Variants in NBPF12 observed in about 807,000 individuals in gnomAD.
NBPF12 encodes the protein NBPF family member NBPF12.
Under a neutral mutation model 146.4 loss-of-function variants are expected in NBPF12, and 115 were observed. That is an observed-to-expected ratio of 0.79 (90% CI 0.68 to 0.92). The LOEUF is 0.92. Ranked by LOEUF, NBPF12 falls within the 40% of genes least tolerant of loss-of-function variation. NBPF12 has a pLI of 0.00. For synonymous variants in NBPF12, 385 were observed against 508.9 expected (o/e 0.76, Z 3.28); for missense variants, 1,205 against 1,326.8 (o/e 0.91, Z 1.43).
intron 11 of NBPF12, 51 bp from the exon 15 acceptor site, chr1:146,970,596 C>G (rs1656537628): frequency 2.6e-6 from 4 of 1,565,308 alleles, no homozygotes; most frequent in Non-Finnish European, 3.5e-6. Context: ...GCTGACTGTG[C>G]TTGCAGAATG....
exon 4 of NBPF12, chr1:146,960,120 AC>A (rs1655763692): frequency 1.7e-6 from 1 of 575,560 alleles, no homozygotes; most frequent in Non-Finnish European, 3.0e-6. Context: ...CCCTGACTCC[AC>A]CTCTTCTGCC....
intron 9 of NBPF12, 51 bp from the exon 13 acceptor site, chr1:146,968,397 C>A (rs1656342063): frequency 2.1e-6 from 3 of 1,401,040 alleles, no homozygotes; most frequent in Non-Finnish European, 3.0e-6. Flanking sequence ...GCAATGACCA[C>A]AGCAGCATGT....
intron 2 of NBPF12, among the ~76,000 whole-genome samples, chr1:146,956,413 GT>G (rs1655590521): frequency 6.6e-6 from 1 of 151,890 alleles, no homozygotes; most frequent in Admixed American, 6.6e-5. Context: ...CTCTATCTTG[GT>G]TGTGGCAGTA....
At chr1:146,981,294 A>T (rs1367438020) in intron 19 of NBPF12, among the ~76,000 whole-genome samples, 50,959 of 89,402 alleles carry the variant, frequency 0.57, 14,578 homozygotes, top group South Asian at 0.68. Context: ...AAAAAAAAAA[A>T]ATATATATAT....
At chr1:146,941,409 A>T (rs1390651941) in intron 1 of NBPF12, among the ~76,000 whole-genome samples, 1 of 151,430 alleles carries the variant, frequency 6.6e-6, no homozygotes, top group Non-Finnish European at 1.5e-5. Flanking sequence ...TTAATGAAAT[A>T]TACTTTATCA....
At chr1:146,952,049 C>T (rs1655347478) in intron 2 of NBPF12, 2 of 153,678 alleles carry the variant, frequency 1.3e-5, no homozygotes, top group African/African-American at 4.8e-5. Context: ...TAATTCAGTA[C>T]CTCCTCCTTT....
chr1:146,940,196 C>T (rs1196410552), intron 1 of NBPF12, among the ~76,000 whole-genome samples: 1 of 151,918 alleles, frequency 6.6e-6, no homozygotes, highest in African/African-American at 2.4e-5. Flanking sequence ...ACCAGTGAAC[C>T]AAAAGCTCTT....
chr1:146,943,495 C>G, exon 2 of NBPF12: 6 of 1,363,196 alleles, frequency 4.4e-6, no homozygotes, highest in Non-Finnish European at 6.1e-6. Context: ...TAGAAACTTA[C>G]CCATTCAGTG....
exon 5 of NBPF12, chr1:146,962,169 G>A: frequency 1.2e-6 from 2 of 1,608,780 alleles, no homozygotes; most frequent in Non-Finnish European, 1.7e-6. Context: ...AGAGTATGAA[G>A]AGTGTAAAGA....
chr1:146,992,462 C>CTGTGTGTG (rs1163182082), intron 31 of NBPF12, among the ~76,000 whole-genome samples: 23 of 66,272 alleles, frequency 3.5e-4, no homozygotes, highest in South Asian at 1.9e-3. Context: ...CTCTCTCTCT[C>CTGTGTGTG]TGTGTGTGTG....
At position 146,994,679 on chromosome 1, in the gene NBPF12, A is replaced by G. The variant is rs868921054; in HGVS notation, c.*104A>G. ...TTCCATTTGGAAGCCCAGACATAGGATGGGTCAGTGGGCATGGCTCTATTC... is the reference window on the plus strand; with the variant it reads ...TTCCATTTGGAAGCCCAGACATAGGGTGGGTCAGTGGGCATGGCTCTATTC... On this transcript the variant is annotated 3_prime_UTR_variant, in exon 34 of 34. Coordinates refer to ENST00000617844, the Ensembl canonical transcript of NBPF12. The G allele has an allele frequency of 2.6e-6, 4 of 1,547,764 alleles. No individual in the cohort carries two copies. In the African/African-American group the frequency reaches 4.2e-5, roughly 16 times the overall value.
chr1:146,944,651 T>G (rs1176930351), upstream of NBPF12, among the ~76,000 whole-genome samples: 1 of 151,940 alleles, frequency 6.6e-6, no homozygotes, highest in African/African-American at 2.4e-5. Flanking sequence ...AAGAAGGGGT[T>G]GTACCCCATG....
Position 146,983,104 on chromosome 1 carries a change from T to A in NBPF12, c.2614+13T>A, listed in dbSNP as rs1329272131. 17 of 1,471,818 alleles carry A rather than the reference T, an allele frequency of 1.2e-5. No individual in the cohort carries two copies. The highest frequency in any genetic ancestry group is 1.6e-5 in the African/African-American group (1 of 60,960). 91.2% of individuals were successfully genotyped at this position (1,471,818 alleles called of 1,614,324 possible). ...GTTGACATAGGCAGTGAGTACTCCA[T>A]TGTGAAGGTGATAAAGCTCCAGTTC... On this transcript the variant is annotated intron_variant, in intron 20 of 33. Transcript: ENST00000617844.
exon 24 of NBPF12, chr1:146,986,351 GGCT>G: frequency 3.1e-6 from 2 of 650,934 alleles, no homozygotes; most frequent in Non-Finnish European, 2.7e-6. Context: ...TACTTTTCCA[GGCT>G]CAGCAGGGAG....
chr1:146,945,732 C>A (rs1655024277), upstream of NBPF12, among the ~76,000 whole-genome samples: 1 of 152,070 alleles, frequency 6.6e-6, no homozygotes, highest in Non-Finnish European at 1.5e-5. Flanking sequence ...ACAATTTCCC[C>A]TATTAGTATA....
chr1:146,955,029 T>C lies in NBPF12; in HGVS notation c.-184+3540T>C, dbSNP rs1416077541. Among the ~76,000 whole-genome samples, 29 of 100,724 alleles carry C rather than the reference T, an allele frequency of 2.9e-4. 1 individual carries two copies. Among genetic ancestry groups the C allele is most frequent in the South Asian group, 7.0e-4 (2 of 2,846 alleles). 66.1% of individuals were successfully genotyped at this position (100,724 alleles called of 152,430 possible). A position where few individuals can be genotyped will look rare whatever the true frequency, so the allele number is the denominator to read the frequency against. On this transcript the variant is annotated intron_variant, in intron 2 of 33. Transcript: ENST00000617844. The stretch of plus-strand genomic sequence containing the variant: ...ATATATATATACACACACACACACA[T>C]ATATATATTGCAGTCTGATAAGATA...
intron 11 of NBPF12, among the ~76,000 whole-genome samples, chr1:146,969,964 G>A (rs1450755366): frequency 1.3e-5 from 2 of 150,612 alleles, no homozygotes; most frequent in African/African-American, 4.9e-5. Flanking sequence ...GTAAGTGTCG[G>A]TGAGTGAGTG....
intron 6 of NBPF12, 69 bp downstream of exon 9, chr1:146,963,378 T>C (rs1164551886): frequency 1.3e-6 from 2 of 1,591,950 alleles, no homozygotes; most frequent in Admixed American, 3.4e-5. Flanking sequence ...CTCCATACTT[T>C]CATGATGACA....
chr1:146,950,720 G>A (rs1553883810), intron 1 of NBPF12, among the ~76,000 whole-genome samples: 27,356 of 151,704 alleles, frequency 0.18, 2,484 homozygotes, highest in Middle Eastern at 0.25. Flanking sequence ...TCCATGGAAT[G>A]AATGTATCAC....
Sources: allele counts gnomAD v4.1 joint callset (sites outside exome capture counted in the v4.1 genomes callset), GRCh38; gene constraint gnomAD v4.1.1; transcripts MANE v1.5; gene names NCBI Gene and HGNC (gene_info 2026-07-23, HGNC 2026-07-21).